The following PCDH7 variants were observed in gnomAD, a reference collection of about 807,000 sequenced individuals.
The protein encoded by PCDH7 is protocadherin-7.
Under a neutral mutation model 58.9 loss-of-function variants are expected in PCDH7, and 17 were observed. The ratio of observed to expected loss-of-function variants is 0.29; its 90% confidence interval spans 0.20 to 0.43. The LOEUF (loss-of-function observed/expected upper bound fraction) is 0.43. Among genes scored for constraint, PCDH7 ranks in the 20% least tolerant of loss-of-function variants. The probability of loss-of-function intolerance (pLI) is 1.00; values close to 1 mark genes in which losing one functional copy is unlikely to be tolerated. For missense variants in PCDH7, 1,274 were observed against 1,441.0 expected, an observed-to-expected ratio of 0.88 and a Z score of 1.88; for synonymous variants, 664 against 616.4, an observed-to-expected ratio of 1.08 and a Z score of -1.14.
chr4:30,756,179 C>T (rs1299632732), intron 1 of PCDH7, among the ~76,000 whole-genome samples: 2 of 152,058 alleles, frequency 1.3e-5, no homozygotes, highest in African/African-American at 2.4e-5. Flanking sequence ...TTTATAACAA[C>T]CCACTCTAGA....
chr4:30,843,276 A>G (rs1432551956), intron 1 of PCDH7, among the ~76,000 whole-genome samples: 1 of 152,178 alleles, frequency 6.6e-6, no homozygotes, highest in Non-Finnish European at 1.5e-5. Flanking sequence ...ATCTGGGCTC[A>G]TTGTAATCTC....
chr4:31,077,499 G>A (rs754181304), intron 3 of PCDH7, among the ~76,000 whole-genome samples: 11 of 152,116 alleles, frequency 7.2e-5, no homozygotes, highest in East Asian at 1.9e-4. Flanking sequence ...ATGAGTTAAC[G>A]GAGATGATGC....
chr4:31,109,856 A>C (rs1716059772), intron 3 of PCDH7, among the ~76,000 whole-genome samples: 1 of 152,234 alleles, frequency 6.6e-6, no homozygotes, highest in Non-Finnish European at 1.5e-5. Flanking sequence ...GGATTTATAA[A>C]TTGGCTTCCA....
intron 3 of PCDH7, among the ~76,000 whole-genome samples, chr4:31,129,604 A>G (rs950442265): frequency 1.3e-5 from 2 of 152,076 alleles, no homozygotes; most frequent in Non-Finnish European, 2.9e-5. Context: ...TAAAATAATC[A>G]TGAAATTATT....
chr4:31,087,021 C>G (rs188051212), intron 3 of PCDH7, among the ~76,000 whole-genome samples: 13 of 152,260 alleles, frequency 8.5e-5, no homozygotes, highest in Admixed American at 2.6e-4. Context: ...GAAACAAAAT[C>G]ACAATAGAGT....
intron 1 of PCDH7, among the ~76,000 whole-genome samples, chr4:30,834,823 T>C (rs1730266020): frequency 6.6e-6 from 1 of 151,926 alleles, no homozygotes; most frequent in South Asian, 2.1e-4. Context: ...TCTGGAGAGA[T>C]CTGATAAAAT....
chr4:31,095,070 G>A lies in PCDH7; in HGVS notation c.*8-47403G>A, dbSNP rs1343567402. Among the ~76,000 whole-genome samples, 9 of 151,832 alleles carry A rather than the reference G, an allele frequency of 5.9e-5. 1 individual carries two copies. The highest frequency in any genetic ancestry group is 5.3e-4 in the Admixed American group (8 of 15,226). The stretch of plus-strand genomic sequence containing the variant: ...CAAAAAGACCTTTACCTGTATAAAA[G>A]CCAAAGATACAACAGAGAACTGAAT... On this transcript the variant is annotated intron_variant, in intron 3 of 3. Transcript: ENST00000509759.
At chr4:31,040,735 C>A (rs1008646142) in intron 3 of PCDH7, among the ~76,000 whole-genome samples, 2 of 151,612 alleles carry the variant, frequency 1.3e-5, no homozygotes, top group Non-Finnish European at 2.9e-5. Flanking sequence ...AAAATACGAA[C>A]AATTTGAGTT....
In PCDH7 at chr4:30,722,389, C is replaced by T. The variant is rs771095550; in HGVS notation, c.967C>T (p.Pro323Ser). Reference sequence around the variant, plus strand: ...GGCCGACTTGGCTGAGAACAGCGCCCCGGGGACCCCCATCCTGCAACTGCG... The same window carrying T: ...GGCCGACTTGGCTGAGAACAGCGCCTCGGGGACCCCCATCCTGCAACTGCG... Residue 323 changes from proline to serine, a missense_variant, in exon 1 of 2, where the codon CCG (proline) becomes TCG (serine). By Grantham distance (74) the Pro-to-Ser change is moderately conservative (BLOSUM62 -1). Transcript: ENST00000361762. The surrounding 1 kb of genome is among the most constrained non-coding windows in gnomAD (Gnocchi z 7.6). 1.2e-5 allele frequency: 20 copies of T among 1,612,574 alleles called. No individual in the cohort carries two copies. The highest frequency in any genetic ancestry group is 1.7e-5 in the Non-Finnish European group (20 of 1,179,908).
chr4:30,890,100 G>A (rs951152817), intron 1 of PCDH7, among the ~76,000 whole-genome samples: 3 of 152,132 alleles, frequency 2.0e-5, no homozygotes, highest in Non-Finnish European at 4.4e-5. Context: ...CATGTTCTAT[G>A]TACAGCATTT....
In PCDH7 at chr4:30,722,571, C is replaced by T. The variant is rs572694815; in HGVS notation, c.1149C>T (p.Phe383=). The change falls in exon 1 of 2, where the codon TTC becomes TTT. Residue 383 remains phenylalanine (F), a synonymous_variant. Transcript: ENST00000361762. The surrounding 1 kb of genome is among the most constrained non-coding windows in gnomAD (Gnocchi z 7.6). ...GCGAGGAGGTGAACCAGCTGCGCTT[C>T]ACGGTCATGGCCCGCGACCGCGGGC... 6.2e-7 allele frequency: 1 copy of T among 1,612,904 alleles called. No individual in the cohort carries two copies. Among genetic ancestry groups the T allele is most frequent in the African/African-American group, 1.3e-5 (1 of 75,070 alleles).
At chr4:31,101,498 A>G (rs2109300798) in intron 3 of PCDH7, among the ~76,000 whole-genome samples, 1 of 152,248 alleles carries the variant, frequency 6.6e-6, no homozygotes. Flanking sequence ...CTTTGCAATA[A>G]GCATACTTAG....
chr4:31,080,376 A>G (rs1447008662), intron 3 of PCDH7, among the ~76,000 whole-genome samples: 1 of 152,150 alleles, frequency 6.6e-6, no homozygotes, highest in South Asian at 2.1e-4. Context: ...TATGATAAAA[A>G]TATCAGAATT....
intron 1 of PCDH7, among the ~76,000 whole-genome samples, chr4:30,896,877 C>G (rs886348262): frequency 8.2e-5 from 8 of 97,922 alleles, no homozygotes; most frequent in Non-Finnish European, 1.7e-4. Flanking sequence ...TTGTGCCCCT[C>G]CTAGTTCTTT....
intron 3 of PCDH7, among the ~76,000 whole-genome samples, chr4:30,973,441 G>C (rs1035110679): frequency 3.9e-5 from 6 of 152,098 alleles, no homozygotes; most frequent in African/African-American, 7.2e-5. Context: ...ATGAGTGATT[G>C]GTGCATTTTT....
intron 3 of PCDH7, among the ~76,000 whole-genome samples, chr4:31,099,422 T>C (rs1295990916): frequency 6.6e-6 from 1 of 152,220 alleles, no homozygotes; most frequent in Non-Finnish European, 1.5e-5. Context: ...CAGATACATT[T>C]ATCAGAAGTG....
intron 3 of PCDH7, among the ~76,000 whole-genome samples, chr4:30,963,542 T>C (rs1748681872): frequency 1.3e-5 from 2 of 152,076 alleles, no homozygotes; most frequent in Non-Finnish European, 2.9e-5. Context: ...GTGCTAAATG[T>C]TAGATTGAAT....
intron 1 of PCDH7, among the ~76,000 whole-genome samples, chr4:30,744,851 C>A (rs1717559715): frequency 6.6e-6 from 1 of 152,182 alleles, no homozygotes; most frequent in Non-Finnish European, 1.5e-5. Flanking sequence ...AATTGTCAAT[C>A]CTAGAACCAG....
chr4:30,751,524 G>A (rs1215682281), intron 1 of PCDH7, among the ~76,000 whole-genome samples: 1 of 151,968 alleles, frequency 6.6e-6, no homozygotes, highest in Non-Finnish European at 1.5e-5. Flanking sequence ...CCATAGTTGG[G>A]GAATAGATTT....
Sources: gnomAD v4.1 joint callset for allele counts (sites outside exome capture counted in the v4.1 genomes callset) on GRCh38, gnomAD v4.1.1 for gene constraint, Gnocchi (gnomAD v3.1) non-coding constraint, MANE v1.5 for transcripts, NCBI Gene and HGNC (gene_info 2026-07-23, HGNC 2026-07-21) for gene names.